SLC25A17: variants seen among roughly 807,000 people sequenced by gnomAD.
The protein encoded by SLC25A17 is solute carrier family 25 member 17.
A neutral mutation model predicts 38.5 loss-of-function variants in SLC25A17; 26 were observed. The ratio of observed to expected loss-of-function variants is 0.68; its 90% CI spans 0.50 to 0.94. The LOEUF is 0.94. Among genes scored for constraint, SLC25A17 ranks in the 40% least tolerant of loss-of-function variants. SLC25A17 has a pLI of 0.00. For missense variants in SLC25A17, 333 were observed against 372.7 expected, an observed-to-expected ratio of 0.89 and a Z score of 0.88; for synonymous variants, 139 against 136.2, an observed-to-expected ratio of 1.02 and a Z score of -0.14.
intron 4 of SLC25A17, 143 bp downstream of exon 4, chr22:40,792,382 T>G: frequency 1.5e-6 from 1 of 654,394 alleles, no homozygotes; most frequent in South Asian, 2.5e-5. Flanking sequence ...GTCACGTTTT[T>G]TAACACAATT....
intron 7 of SLC25A17, 73 bp downstream of exon 7, chr22:40,776,967 A>T (rs1386407641): frequency 8.0e-7 from 1 of 1,253,192 alleles, no homozygotes. Context: ...CTTTATTAAC[A>T]TTGTTTTAAA....
chr22:40,805,611 AATGAGAGCTG>A (rs2057523105), intron 1 of SLC25A17, among the ~76,000 whole-genome samples: 8 of 152,110 alleles, frequency 5.3e-5, no homozygotes, highest in Admixed American at 5.2e-4. Context: ...TACTAACACT[AATGAGAGCTG>A]ATGAGCTTAA....
At chr22:40,815,516 G>A (rs531603341) in intron 1 of SLC25A17, among the ~76,000 whole-genome samples, 1 of 152,334 alleles carries the variant, frequency 6.6e-6, no homozygotes, top group African/African-American at 2.4e-5. Flanking sequence ...TGAAGGGAAT[G>A]GGTGGAGATG....
At chr22:40,794,213 C>T (rs2057407696) in intron 3 of SLC25A17, among the ~76,000 whole-genome samples, 1 of 152,042 alleles carries the variant, frequency 6.6e-6, no homozygotes, top group South Asian at 2.1e-4. Context: ...AACTAAACAA[C>T]TATTATTTTT....
intron 5 of SLC25A17, among the ~76,000 whole-genome samples, chr22:40,777,988 T>C (rs2057261853): frequency 6.6e-6 from 1 of 152,172 alleles, no homozygotes; most frequent in East Asian, 1.9e-4. Flanking sequence ...AACTGTGAAC[T>C]GAGCCCACAT....
chr22:40,777,447 T>C (rs2057256605), intron 5 of SLC25A17, 74 bp from the exon 6 acceptor site: 6 of 1,489,368 alleles, frequency 4.0e-6, no homozygotes, highest in Non-Finnish European at 3.7e-6. Context: ...ATGAATTCTG[T>C]TGAAATGTAC....
At position 40,799,007 on chromosome 22, in the gene SLC25A17, T is replaced by C; in HGVS notation, c.115+16A>G. 1 of 1,558,762 alleles carries C rather than the reference T, an allele frequency of 6.4e-7. No individual in the cohort carries two copies. Among genetic ancestry groups the C allele is most frequent in the Non-Finnish European group, 8.8e-7 (1 of 1,132,164 alleles). On this transcript the variant is annotated intron_variant, in intron 2 of 8. Transcript: ENST00000435456. ...CTTCCTGACACCATACAAATAGGAG[T>C]ATGATTTCTACTTACCCTGAAGTCG...
intron 1 of SLC25A17, among the ~76,000 whole-genome samples, chr22:40,808,948 T>C (rs2145702255): frequency 6.6e-6 from 1 of 152,342 alleles, no homozygotes; most frequent in South Asian, 2.1e-4. Context: ...TGCAACAGAC[T>C]GAATTCAGAA....
At chr22:40,815,863 G>A (rs1270293475) in intron 1 of SLC25A17, among the ~76,000 whole-genome samples, 2 of 152,048 alleles carry the variant, frequency 1.3e-5, no homozygotes, top group African/African-American at 2.4e-5. Context: ...TTCATTAATC[G>A]TTTTTGATTC....
chr22:40,798,234 A>T (rs1383846325), intron 2 of SLC25A17: 1 of 152,406 alleles, frequency 6.6e-6, no homozygotes, highest in East Asian at 1.9e-4. Flanking sequence ...ATCAGTTGTC[A>T]GCAACAACTG....
intron 1 of SLC25A17, among the ~76,000 whole-genome samples, 189 bp from the exon 2 acceptor site, chr22:40,799,272 C>T (rs1331103622): frequency 1.3e-5 from 2 of 152,016 alleles, no homozygotes; most frequent in Non-Finnish European, 2.9e-5. Context: ...AAGCACATAC[C>T]CTCCAGGTGT....
At chr22:40,814,272 G>A (rs1443790962) in intron 1 of SLC25A17, among the ~76,000 whole-genome samples, 1 of 152,198 alleles carries the variant, frequency 6.6e-6, no homozygotes, top group African/African-American at 2.4e-5. Context: ...ATAAAAGCCT[G>A]ATATCTGTGT....
chr22:40,780,820 T>C (rs774193810), intron 4 of SLC25A17, among the ~76,000 whole-genome samples: 4 of 152,148 alleles, frequency 2.6e-5, no homozygotes, highest in Admixed American at 6.5e-5. Context: ...GGTAGGCACA[T>C]ACAAAAACAC....
At position 40,793,149 on chromosome 22, in the gene SLC25A17, A is replaced by C. The variant is rs186040587; in HGVS notation, c.183-473T>G. ...GGCAATTTGAATACCAAAATAATGA[A>C]GTACAGTAATCAATTGTAAACCATT... On this transcript the variant is annotated intron_variant, in intron 3 of 8. Coordinates refer to ENST00000435456, the MANE Select transcript of SLC25A17 (RefSeq NM_006358.4). Among the ~76,000 whole-genome samples, 236 of 152,304 alleles carry C rather than the reference A, an allele frequency of 1.5e-3. 3 individuals are homozygous for C. Among genetic ancestry groups the C allele is most frequent in the Non-Finnish European group, 7.1e-4 (48 of 68,024 alleles).
At chr22:40,798,199 G>A (rs563806773) in intron 2 of SLC25A17, 1 of 152,424 alleles carries the variant, frequency 6.6e-6, no homozygotes, top group East Asian at 1.9e-4. Flanking sequence ...CTGTTGATAT[G>A]GTCTTGATCT....
At chr22:40,802,229 T>A (rs1021732681) in intron 1 of SLC25A17, among the ~76,000 whole-genome samples, 1 of 152,132 alleles carries the variant, frequency 6.6e-6, no homozygotes, top group African/African-American at 2.4e-5. Context: ...CACGTGAAGG[T>A]TCCTAAACAT....
intron 1 of SLC25A17, among the ~76,000 whole-genome samples, chr22:40,813,492 C>A (rs142404551): frequency 6.6e-6 from 1 of 152,020 alleles, no homozygotes; most frequent in Non-Finnish European, 1.5e-5. Context: ...AAGCCGAGAT[C>A]GTGCCACCGC....
At chr22:40,779,276 C>G (rs1215894027) in intron 4 of SLC25A17, 151 bp from the exon 5 acceptor site, 2 of 1,492,488 alleles carry the variant, frequency 1.3e-6, no homozygotes, top group Non-Finnish European at 1.8e-6. Flanking sequence ...TGCCAGGGTA[C>G]AACACAAGCC....
chr22:40,808,239 C>A (rs2057547112), intron 1 of SLC25A17, among the ~76,000 whole-genome samples: 1 of 152,182 alleles, frequency 6.6e-6, no homozygotes, highest in Non-Finnish European at 1.5e-5. Context: ...TTAATTACAA[C>A]ACTCTATCTT....
Sources: allele counts gnomAD v4.1 joint callset (sites outside exome capture counted in the v4.1 genomes callset), GRCh38; gene constraint gnomAD v4.1.1; transcripts MANE v1.5; gene names NCBI Gene and HGNC (gene_info 2026-07-23, HGNC 2026-07-21).